ASAP3: variants seen among roughly 807,000 people sequenced by gnomAD.
ASAP3 encodes ArfGAP with SH3 domain, ankyrin repeat and PH domain 3.
ASAP3 carries 85 observed loss-of-function variants against 118.2 expected under a neutral mutation model. The ratio of observed to expected loss-of-function variants is 0.72; its 90% CI spans 0.60 to 0.86. The LOEUF (loss-of-function observed/expected upper bound fraction) is 0.86. Ranked by LOEUF, ASAP3 falls within the 40% of genes least tolerant of loss-of-function variation. The pLI, the probability that ASAP3 is intolerant of heterozygous loss-of-function variation, is 0.00. For synonymous variants in ASAP3, 432 were observed against 477.4 expected (o/e 0.90, Z 1.24); for missense variants, 1,026 against 1,175.0 (o/e 0.87, Z 1.85).
At chr1:23,433,594 G>A (rs1480482232) in intron 20 of ASAP3, 32 bp downstream of exon 20, 2 of 1,614,102 alleles carry the variant, frequency 1.2e-6, no homozygotes, top group African/African-American at 2.7e-5. Flanking sequence ...GAGAGAAAGA[G>A]TCAGGGGCCC....
At chr1:23,450,318 A>G (rs1641173842) in intron 5 of ASAP3, among the ~76,000 whole-genome samples, 1 of 152,200 alleles carries the variant, frequency 6.6e-6, no homozygotes, top group Non-Finnish European at 1.5e-5. Context: ...TTAAATACAT[A>G]ATGGCTTATG....
intron 1 of ASAP3, among the ~76,000 whole-genome samples, chr1:23,468,769 G>A (rs971891071): frequency 3.3e-5 from 5 of 150,768 alleles, no homozygotes; most frequent in Admixed American, 2.0e-4. Context: ...CAGCTACTTG[G>A]GAGGCTGAGG....
intron 1 of ASAP3, among the ~76,000 whole-genome samples, chr1:23,460,492 G>A (rs1321733901): frequency 1.6e-5 from 2 of 123,196 alleles, no homozygotes; most frequent in Non-Finnish European, 3.2e-5. Flanking sequence ...AGGTGACAGA[G>A]TGAGACTCCA....
At position 23,438,747 on chromosome 1, in the gene ASAP3, G is replaced by T; in HGVS notation, c.1102C>A (p.His368Asn). The T allele has an allele frequency of 6.2e-7, 1 of 1,613,828 alleles. No homozygotes were observed. Among genetic ancestry groups the T allele is most frequent in the South Asian group, 1.1e-5 (1 of 91,068 alleles). The change falls in exon 12 of 25, where the codon CAC (histidine) becomes AAC (asparagine). Residue 368 changes from histidine to asparagine, a missense_variant and splice_region_variant. Transcript: ENST00000336689. The surrounding 1 kb of genome is among the most constrained non-coding windows in gnomAD (Gnocchi z 4.9). ...GGGGAGAGGCACAGGGACCACTCAC[G>T]GGTCACCAGGTCGAAGCACTTTTTC... ...EEKKCFDLVT[H>N]NRTYHFQAED...
rs1484954462 is a variant in ASAP3, at chr1:23,437,032, AG to A, written c.1354del (p.Leu452SerfsTer44). On this transcript the variant is annotated frameshift_variant, in exon 15 of 25. Transcript: ENST00000336689. LOFTEE classifies it high-confidence loss of function. The surrounding 1 kb of genome is among the most constrained non-coding windows in gnomAD (Gnocchi z 6.1). ...CDCGAADPTW[L>X]STNLGVLTCI... ...GGTGAGCACGCCCAGGTTGGTGCTG[AG>A]CCACGTGGGGTCTGCAGAGGAAAGC... The A allele has an allele frequency of 6.2e-7, 1 of 1,611,330 alleles. No individual in the cohort carries two copies. The highest frequency in any genetic ancestry group is 1.7e-5 in the Admixed American group (1 of 59,786).
At chr1:23,452,659 T>G (rs1641255407) in intron 4 of ASAP3, 38 bp downstream of exon 4, 2 of 1,603,394 alleles carry the variant, frequency 1.2e-6, no homozygotes, top group South Asian at 2.2e-5. Context: ...ACCCCTCTTT[T>G]ACTCTGTCCC....
chr1:23,433,293 G>A (rs773650142), intron 21 of ASAP3, 21 bp from the exon 22 acceptor site: 1 of 1,603,626 alleles, frequency 6.2e-7, no homozygotes, highest in Admixed American at 1.7e-5. Context: ...AAAAGATTGA[G>A]GATGAGGACA....
rs1640764464 is a variant in ASAP3 at position 23,438,805 on chromosome 1, C to T, written c.1044G>A (p.Leu348=). ...GGTTTGGCCTCACTTGGCACGTCAG[C>T]AGGGTCAGCTTCACCGGGGGCCGGT... ...TINRPPVKLT[L]LTCQVRPNPE... Residue 348 remains leucine, a synonymous_variant, in exon 12 of 25, where the codon CTG becomes CTA. Transcript: ENST00000336689. This position sits in a 1 kb window ranked among gnomAD's most constrained non-coding sequence, Gnocchi z 4.9. The T allele has an allele frequency of 6.2e-7, 1 of 1,614,216 alleles. No homozygotes were observed. The highest frequency in any genetic ancestry group is 1.7e-5 in the Admixed American group (1 of 60,024).
intron 5 of ASAP3, among the ~76,000 whole-genome samples, chr1:23,444,987 AAG>A (rs1400112530): frequency 6.7e-6 from 1 of 148,832 alleles, no homozygotes; most frequent in East Asian, 1.9e-4. Context: ...TTTAATTTTA[AAG>A]AGGGGGTTAT....
chr1:23,434,016 T>G (rs987165580), intron 19 of ASAP3, among the ~76,000 whole-genome samples: 2 of 152,278 alleles, frequency 1.3e-5, no homozygotes, highest in African/African-American at 4.8e-5. Context: ...AGCTAATATT[T>G]ATTTGCCTAA....
In ASAP3 at chr1:23,431,835, T is replaced by C; in HGVS notation, c.2407A>G (p.Met803Val). 6.3e-7 allele frequency: 1 copy of C among 1,583,204 alleles called. No individual in the cohort carries two copies. Among genetic ancestry groups the C allele is most frequent in the South Asian group, 1.2e-5 (1 of 85,918 alleles). ...LGSPASSSSL[M>V]SPLEPGDPSQ... The stretch of plus-strand genomic sequence containing the variant: ...GGATCCCCAGGTTCCAAGGGGCTCA[T>C]CAGACTGGAGGAGGAGGCTGGACTG... The change falls in exon 23 of 25, where the codon ATG (methionine) becomes GTG (valine). Residue 803 changes from methionine (M) to valine (V), a missense_variant. Physicochemically the swap from Met to Val is conservative, Grantham distance 21 (BLOSUM62 1). Transcript: ENST00000336689.
chr1:23,431,764 TG>T lies in ASAP3; in HGVS notation c.2477del (p.Pro826GlnfsTer8). ...PNSEEGLREP[P>X]GTSRPSLTSG... ...ATGTCAGGCTGGGTCTGGAGGTGCCTGGGGGCTCTCGGAGGCCCTCTTCAGA... is the reference window on the plus strand; with the variant it reads ...ATGTCAGGCTGGGTCTGGAGGTGCCTGGGGCTCTCGGAGGCCCTCTTCAGA... On this transcript the variant is annotated frameshift_variant, in exon 23 of 25. Transcript: ENST00000336689. LOFTEE classifies it high-confidence loss of function. The T allele has an allele frequency of 1.3e-6, 2 of 1,527,496 alleles. No homozygotes were observed. Among genetic ancestry groups the T allele is most frequent in the South Asian group, 1.3e-5 (1 of 76,458 alleles). The allele number at this position is 1,527,496 out of a possible 1,614,324, so 94.6% of individuals were successfully genotyped here.
intron 10 of ASAP3, 49 bp from the exon 11 acceptor site, chr1:23,439,279 T>C (rs937596831): frequency 6.4e-7 from 1 of 1,571,064 alleles, no homozygotes; most frequent in East Asian, 2.2e-5. Context: ...TCACACCTAG[T>C]TCGCAGGTGT....
intron 1 of ASAP3, among the ~76,000 whole-genome samples, chr1:23,465,223 C>T (rs182967197): frequency 6.6e-6 from 1 of 152,312 alleles, no homozygotes; most frequent in Admixed American, 6.5e-5. Context: ...AAACATATCT[C>T]CCCACACCCC....
chr1:23,467,959 AAAAAAAAAAG>A (rs1641829395), intron 1 of ASAP3, among the ~76,000 whole-genome samples: 1 of 151,922 alleles, frequency 6.6e-6, no homozygotes, highest in East Asian at 1.9e-4. Flanking sequence ...CTCAAAAAAA[AAAAAAAAAAG>A]AAAAAGAAAA....
At chr1:23,465,803 AGAGTTACAATTTAAATCCAG>A (rs1358836176) in intron 1 of ASAP3, among the ~76,000 whole-genome samples, 5 of 152,258 alleles carry the variant, frequency 3.3e-5, no homozygotes, top group Admixed American at 1.3e-4. Context: ...CACCTGGCCC[AGAGTTACAATTTAAATCCAG>A]GACTAGCCAA....
At chr1:23,439,139 T>A (rs1558122502) in intron 11 of ASAP3, 22 bp downstream of exon 11, 2 of 1,613,224 alleles carry the variant, frequency 1.2e-6, no homozygotes, top group South Asian at 2.2e-5. Context: ...GCCCTGAGAC[T>A]CCCACCACCT....
At chr1:23,459,697 T>C (rs1641505893) in intron 1 of ASAP3, among the ~76,000 whole-genome samples, 1 of 152,248 alleles carries the variant, frequency 6.6e-6, no homozygotes, top group African/African-American at 2.4e-5. Context: ...AGAGTGGTGC[T>C]GGTTTCTGGC....
At chr1:23,468,885 A>G (rs1641868117) in intron 1 of ASAP3, among the ~76,000 whole-genome samples, 1 of 150,574 alleles carries the variant, frequency 6.6e-6, no homozygotes, top group African/African-American at 2.4e-5. Context: ...AAAAAAAAAA[A>G]AAAAAAGTAC....
Sources: gnomAD v4.1 joint callset for allele counts (sites outside exome capture counted in the v4.1 genomes callset) on GRCh38, gnomAD v4.1.1 for gene constraint, Gnocchi (gnomAD v3.1) non-coding constraint, MANE v1.5 for transcripts, NCBI Gene and HGNC (gene_info 2026-07-23, HGNC 2026-07-21) for gene names.